The following BICRAL variants were observed in gnomAD, a reference collection of about 807,000 sequenced individuals.
The protein encoded by BICRAL is BICRA like chromatin remodeling complex associated protein, also known as BRD4-interacting chromatin-remodeling complex-associated protein-like.
In BICRAL, 8 loss-of-function variants were observed where a neutral mutation model predicts 91.8. The ratio of observed to expected loss-of-function variants is 0.09; its 90% CI spans 0.05 to 0.16. The LOEUF (loss-of-function observed/expected upper bound fraction) is 0.16, where lower values mean the gene tolerates loss of function less well. Among genes scored for constraint, BICRAL ranks in the 10% least tolerant of loss-of-function variants. The pLI is 1.00. For synonymous variants in BICRAL, 445 were observed against 491.1 expected, an observed-to-expected ratio of 0.91 and a Z score of 1.24; for missense variants, 1,038 against 1,310.9, an observed-to-expected ratio of 0.79 and a Z score of 3.21.
intron 2 of BICRAL, among the ~76,000 whole-genome samples, chr6:42,813,773 A>C (rs2113921985): frequency 6.6e-6 from 1 of 152,244 alleles, no homozygotes; most frequent in South Asian, 2.1e-4. Context: ...CACCCACTTC[A>C]GCCTCCCAAA....
chr6:42,797,271 G>T (rs1195241923), intron 1 of BICRAL, among the ~76,000 whole-genome samples: 1 of 152,062 alleles, frequency 6.6e-6, no homozygotes, highest in Non-Finnish European at 1.5e-5. Flanking sequence ...TAAGAGAGGC[G>T]GACAGTAAGG....
chr6:42,751,654 C>CTTTTTTTTTTTTTTT (rs1190737893), intron 1 of BICRAL, among the ~76,000 whole-genome samples: 2 of 116,572 alleles, frequency 1.7e-5, no homozygotes, highest in Non-Finnish European at 3.5e-5. Context: ...TCTTTCTTTT[C>CTTTTTTTTTTTTTTT]TTTTTTTTTT....
upstream of BICRAL, among the ~76,000 whole-genome samples, chr6:42,778,319 G>A (rs888689031): frequency 6.6e-6 from 1 of 152,144 alleles, no homozygotes; most frequent in African/African-American, 2.4e-5. Flanking sequence ...CGTGAGTTTT[G>A]GGGTCAGCCA....
chr6:42,777,859 T>C (rs980960406), upstream of BICRAL, among the ~76,000 whole-genome samples: 1 of 152,186 alleles, frequency 6.6e-6, no homozygotes, highest in Admixed American at 6.5e-5. Context: ...CATTTTATTG[T>C]ACATAATTAA....
rs909105831 is a variant in BICRAL, at chr6:42,764,407, C to T, written c.-261+17384C>T. Among the ~76,000 whole-genome samples, 18 of 151,518 alleles carry T rather than the reference C, an allele frequency of 1.2e-4. No homozygotes were observed. The East Asian group carries it at 3.1e-3, about 26-fold the overall frequency. Reference sequence around the variant, plus strand: ...TCTCCACAAAAATAAAAAAAATTAGCCAGGTGTGGTGGCACGTGCCTGTAG... The same window carrying T: ...TCTCCACAAAAATAAAAAAAATTAGTCAGGTGTGGTGGCACGTGCCTGTAG... On this transcript the variant is annotated intron_variant, in intron 1 of 14. Coordinates refer to the BICRAL transcript ENST00000614467.
chr6:42,791,027 A>G (rs1374450725), intron 1 of BICRAL, among the ~76,000 whole-genome samples: 1 of 151,964 alleles, frequency 6.6e-6, no homozygotes, highest in African/African-American at 2.4e-5. Context: ...TCAGGACTTG[A>G]CTGTGCTGGG....
At chr6:42,823,542 C>A (rs955624884) in intron 5 of BICRAL, among the ~76,000 whole-genome samples, 1 of 152,196 alleles carries the variant, frequency 6.6e-6, no homozygotes, top group Non-Finnish European at 1.5e-5. Flanking sequence ...AATCTCAGCA[C>A]TTTGGGAGGC....
intron 1 of BICRAL, among the ~76,000 whole-genome samples, chr6:42,763,937 A>G (rs1311214549): frequency 6.6e-6 from 1 of 151,534 alleles, no homozygotes; most frequent in East Asian, 1.9e-4. Context: ...ACAAAAGAAA[A>G]TAGCATATTA....
rs765378104 is a variant in BICRAL at position 42,865,044 on chromosome 6, A to T, written c.2838A>T (p.Arg946Ser). 13 of 1,614,004 alleles carry T rather than the reference A, an allele frequency of 8.1e-6. No individual in the cohort carries two copies. The Admixed American group carries it at 2.0e-4, about 25-fold the overall frequency. ...GPEGHRKTSS[R>S]SDHGTESKLS... ...AGGGGCACCGGAAAACCTCATCCAG[A>T]TCGGATCATGGTACTGAGAGCAAAC... Residue 946 changes from arginine (R) to serine (S), a missense_variant, in exon 13 of 13, where the codon AGA (arginine) becomes AGT (serine). This residue lies in a region of BICRAL where 294 missense variants were observed against 292.6 expected (regional missense o/e 1.00). Transcript: ENST00000314073.
At position 42,829,645 on chromosome 6, in the gene BICRAL, G is replaced by A; in HGVS notation, c.1312G>A (p.Ala438Thr). Reference protein sequence around the residue: ...QPSQLISGQVASEHVMLNRNS... With the variant: ...QPSQLISGQVTSEHVMLNRNS... ...CTCTCAGCTCATTTCTGGCCAAGTGGCCTCAGAGCATGTCATGTTGAACAG... is the reference window on the plus strand; with the variant it reads ...CTCTCAGCTCATTTCTGGCCAAGTGACCTCAGAGCATGTCATGTTGAACAG... Residue 438 changes from alanine (A) to threonine (T), a missense_variant, in exon 6 of 13, where the codon GCC becomes ACC. Ala to Thr is a moderately conservative substitution (Grantham distance 58). Around this residue, in one of 5 missense-constraint regions of BICRAL, gnomAD observed 532 missense variants for 724.9 expected, o/e 0.73. Transcript: ENST00000314073. 6.2e-7 allele frequency: 1 copy of A among 1,614,184 alleles called. No homozygotes were observed. Among genetic ancestry groups the A allele is most frequent in the South Asian group, 1.1e-5 (1 of 91,088 alleles).
At chr6:42,803,310 C>T (rs1182635083) in intron 1 of BICRAL, among the ~76,000 whole-genome samples, 2 of 152,120 alleles carry the variant, frequency 1.3e-5, no homozygotes, top group Non-Finnish European at 2.9e-5. Flanking sequence ...TTTCCTTACG[C>T]CTGAGAGAAG....
chr6:42,828,979 A>G lies in BICRAL; in HGVS notation c.646A>G (p.Ile216Val), dbSNP rs557465503. ...TAGTGGTTCTGGTCAAATACAGTTA[A>G]TTGGGTCATTTGGTAATCATCCTTC... is the stretch of plus-strand genomic sequence containing the variant. Reference protein sequence around the residue: ...QISGSGQIQLIGSFGNHPSMM... With the variant: ...QISGSGQIQLVGSFGNHPSMM... Residue 216 changes from isoleucine to valine, a missense_variant, in exon 6 of 13, where the codon ATT becomes GTT. Physicochemically the swap from Ile to Val is conservative, Grantham distance 29. Around this residue, in one of 5 missense-constraint regions of BICRAL, gnomAD observed 532 missense variants for 724.9 expected, o/e 0.73. Coordinates refer to ENST00000314073, the MANE Select transcript of BICRAL (RefSeq NM_001393499.1). 1.2e-6 allele frequency: 2 copies of G among 1,614,132 alleles called. No individual in the cohort carries two copies. Among genetic ancestry groups the G allele is most frequent in the South Asian group, 2.2e-5 (2 of 91,084 alleles).
intron 6 of BICRAL, among the ~76,000 whole-genome samples, chr6:42,847,145 G>T (rs1341538290): frequency 6.6e-6 from 1 of 152,194 alleles, no homozygotes; most frequent in Non-Finnish European, 1.5e-5. Context: ...AGCTACTCAG[G>T]AGGCTGAGGT....
chr6:42,817,567 C>T (rs540995819), intron 2 of BICRAL, among the ~76,000 whole-genome samples: 1 of 151,732 alleles, frequency 6.6e-6, no homozygotes, highest in Non-Finnish European at 1.5e-5. Flanking sequence ...CCTTGACCTC[C>T]TACGCTCAAG....
intron 1 of BICRAL, among the ~76,000 whole-genome samples, chr6:42,771,330 C>T (rs556807997): frequency 6.6e-6 from 1 of 152,164 alleles, no homozygotes; most frequent in Non-Finnish European, 1.5e-5. Context: ...ACTTGCGGCC[C>T]GGCTTCATTA....
Position 42,829,674 on chromosome 6 carries a change from C to T in BICRAL, c.1341C>T (p.Asn447=). ...VASEHVMLNR[N]SSNMLRTNQP... ...CAGAGCATGTCATGTTGAACAGAAA[C>T]TCTTCCAACATGCTCAGGACCAACC... Residue 447 remains asparagine, a synonymous_variant, in exon 6 of 13, where the codon AAC becomes AAT. Coordinates refer to ENST00000314073, the MANE Select transcript of BICRAL (RefSeq NM_001393499.1). The T allele has an allele frequency of 6.2e-7, 1 of 1,614,168 alleles. No homozygotes were observed. The highest frequency in any genetic ancestry group is 8.5e-7 in the Non-Finnish European group (1 of 1,180,014).
intron 6 of BICRAL, among the ~76,000 whole-genome samples, chr6:42,836,625 T>C (rs1019403954): frequency 1.3e-5 from 2 of 148,352 alleles, no homozygotes; most frequent in Non-Finnish European, 1.5e-5. Context: ...GTTTCTTTTT[T>C]TTTTTTTTTT....
At chr6:42,833,946 G>A (rs997100913) in intron 6 of BICRAL, among the ~76,000 whole-genome samples, 4 of 151,076 alleles carry the variant, frequency 2.6e-5, no homozygotes, top group Non-Finnish European at 3.0e-5. Context: ...CCTCTGCCTC[G>A]CAGGTTCAAG....
At chr6:42,793,810 C>G (rs1240933210) in intron 1 of BICRAL, among the ~76,000 whole-genome samples, 1 of 142,754 alleles carries the variant, frequency 7.0e-6, no homozygotes, top group Non-Finnish European at 1.5e-5. Flanking sequence ...GCTCTGTTGC[C>G]CGGGCTGGAG....
Sources: allele counts gnomAD v4.1 joint callset (sites outside exome capture counted in the v4.1 genomes callset), GRCh38; gene constraint gnomAD v4.1.1; regional missense constraint gnomAD v4.1.1; transcripts MANE v1.5; gene names NCBI Gene and HGNC (gene_info 2026-07-23, HGNC 2026-07-21).